Variants in TCF4 observed in about 807,000 individuals in gnomAD.
TCF4 encodes transcription factor 4, also known as SL3-3 enhancer factor 2.
A neutral mutation model predicts 82.1 loss-of-function variants in TCF4; 3 were observed. That is an observed-to-expected ratio of 0.04 (90% CI 0.02 to 0.09). TCF4 has a LOEUF of 0.09. Ranked by LOEUF, TCF4 falls within the 10% of genes least tolerant of loss-of-function variation. The pLI, the probability that TCF4 is intolerant of heterozygous loss-of-function variation, is 1.00. For missense variants in TCF4, 518 were observed against 852.7 expected, an observed-to-expected ratio of 0.61 and a Z score of 4.89; for synonymous variants, 276 against 309.6, an observed-to-expected ratio of 0.89 and a Z score of 1.14.
At chr18:55,383,070 C>T (rs1171118340) in intron 6 of TCF4, among the ~76,000 whole-genome samples, 3 of 152,228 alleles carry the variant, frequency 2.0e-5, no homozygotes, top group Non-Finnish European at 4.4e-5. Context: ...CTGTGAGCAA[C>T]AACTTGGAAA....
chr18:55,559,455 T>C (rs1056921772), intron 3 of TCF4, among the ~76,000 whole-genome samples: 4 of 152,100 alleles, frequency 2.6e-5, no homozygotes, highest in Non-Finnish European at 5.9e-5. Flanking sequence ...TAATGTTGTG[T>C]GTACATGAAT....
At chr18:55,600,259 C>T (rs1046621730) in intron 2 of TCF4, among the ~76,000 whole-genome samples, 2 of 152,128 alleles carry the variant, frequency 1.3e-5, no homozygotes, top group Non-Finnish European at 1.5e-5. Context: ...ATTGCTAGGT[C>T]ACAGATAGGC....
chr18:55,415,955 A>G (rs1483349852), intron 5 of TCF4, among the ~76,000 whole-genome samples: 1 of 152,240 alleles, frequency 6.6e-6, no homozygotes, highest in Non-Finnish European at 1.5e-5. Flanking sequence ...ACCCTAAAGC[A>G]ATCAAATATG....
intron 8 of TCF4, among the ~76,000 whole-genome samples, chr18:55,339,720 C>T (rs2079420153): frequency 6.6e-6 from 1 of 152,076 alleles, no homozygotes; most frequent in African/African-American, 2.4e-5. Context: ...TCTTTAAATG[C>T]AAGAAGAGTT....
At chr18:55,394,519 T>C (rs1353696112) in intron 6 of TCF4, among the ~76,000 whole-genome samples, 1 of 152,152 alleles carries the variant, frequency 6.6e-6, no homozygotes, top group Non-Finnish European at 1.5e-5. Flanking sequence ...CTAAGAATGC[T>C]AACAGTGATA....
chr18:55,402,694 T>C (rs1366648533), intron 6 of TCF4, among the ~76,000 whole-genome samples: 1 of 152,186 alleles, frequency 6.6e-6, no homozygotes. Flanking sequence ...AAAGCATCTA[T>C]AAAAACTCAG....
upstream of TCF4, among the ~76,000 whole-genome samples, chr18:55,592,723 T>C (rs2097686924): frequency 1.3e-5 from 2 of 152,116 alleles, no homozygotes; most frequent in South Asian, 4.1e-4. Context: ...TGGTGAGTGA[T>C]GGATCACGCC....
At chr18:55,244,563 GAGCAAACTTCAA>G (rs1450619180) in intron 15 of TCF4, among the ~76,000 whole-genome samples, 1 of 152,248 alleles carries the variant, frequency 6.6e-6, no homozygotes, top group Non-Finnish European at 1.5e-5. Flanking sequence ...CTAAATAAAG[GAGCAAACTTCAA>G]CACTTTTTCT....
chr18:55,456,182 A>T (rs1347874677), intron 5 of TCF4, among the ~76,000 whole-genome samples: 1 of 152,210 alleles, frequency 6.6e-6, no homozygotes, highest in African/African-American at 2.4e-5. Flanking sequence ...ACAGTAACCA[A>T]ATCAAAATAT....
At chr18:55,627,992 G>C (rs183934016) in intron 2 of TCF4, among the ~76,000 whole-genome samples, 244 of 152,226 alleles carry the variant, frequency 1.6e-3, no homozygotes, top group Non-Finnish European at 2.9e-3. Flanking sequence ...CCCGGGAGGC[G>C]GAGCTTGCAG....
Position 55,222,287 on chromosome 18 carries a change from CT to C in TCF4, c.*5747del. ...TGCACAGGCACATTCCCCCCCACCC[CT>C]TTTCAGTAGTAGTTATATGATCAAA... On this transcript the variant is annotated 3_prime_UTR_variant, in exon 20 of 20. Transcript: ENST00000354452. The C allele has an allele frequency of 6.6e-6, 1 of 152,280 alleles. No individual in the cohort carries two copies. The highest frequency in any genetic ancestry group is 1.5e-5 in the Non-Finnish European group (1 of 68,024). The allele number at this position is 152,280 out of a possible 1,614,324, so 9.4% of individuals were successfully genotyped here.
chr18:55,297,275 G>T (rs1321038614), intron 8 of TCF4, among the ~76,000 whole-genome samples: 1 of 127,968 alleles, frequency 7.8e-6, no homozygotes, highest in Non-Finnish European at 1.6e-5. Flanking sequence ...TTCCTCAAAG[G>T]TTCAAATTTT....
intron 5 of TCF4, among the ~76,000 whole-genome samples, chr18:55,419,530 C>A (rs1219183531): frequency 6.6e-6 from 1 of 151,986 alleles, no homozygotes; most frequent in Non-Finnish European, 1.5e-5. Flanking sequence ...TAAAGCAAAA[C>A]CTTTATTATC....
At chr18:55,248,043 A>C (rs970522667) in intron 15 of TCF4, among the ~76,000 whole-genome samples, 1 of 152,224 alleles carries the variant, frequency 6.6e-6, no homozygotes, top group Admixed American at 6.5e-5. Context: ...ATAATCTCTT[A>C]AATTCCCTGA....
At chr18:55,449,801 A>C (rs1699970548) in intron 5 of TCF4, among the ~76,000 whole-genome samples, 1 of 152,182 alleles carries the variant, frequency 6.6e-6, no homozygotes, top group Non-Finnish European at 1.5e-5. Context: ...CTTCTCCACC[A>C]AATGTTATCA....
intron 13 of TCF4, 72 bp downstream of exon 13, chr18:55,259,877 A>G (rs2057668711): frequency 1.5e-6 from 2 of 1,336,184 alleles, no homozygotes; most frequent in Non-Finnish European, 2.2e-6. Flanking sequence ...CCACCTACAA[A>G]ATCAGGAAGT....
intron 6 of TCF4, among the ~76,000 whole-genome samples, chr18:55,363,205 C>T (rs1161297308): frequency 1.3e-5 from 2 of 151,724 alleles, no homozygotes; most frequent in Admixed American, 6.6e-5. Flanking sequence ...AAGCAATGTG[C>T]GGCTGCTGCC....
chr18:55,406,211 G>A (rs1416724654), intron 5 of TCF4, among the ~76,000 whole-genome samples: 4 of 149,272 alleles, frequency 2.7e-5, no homozygotes, highest in East Asian at 3.9e-4. Context: ...CAAATAGATC[G>A]GTCCAGAGAT....
At chr18:55,563,783 C>G (rs895085565) in intron 3 of TCF4, among the ~76,000 whole-genome samples, 9 of 152,142 alleles carry the variant, frequency 5.9e-5, no homozygotes, top group African/African-American at 2.2e-4. Context: ...CTGATTTGGG[C>G]CAATATTTTA....
Sources: gnomAD v4.1 joint callset for allele counts (sites outside exome capture counted in the v4.1 genomes callset) on GRCh38, gnomAD v4.1.1 for gene constraint, MANE v1.5 for transcripts, NCBI Gene and HGNC (gene_info 2026-07-23, HGNC 2026-07-21) for gene names.